The following DDX10 variants were observed in gnomAD, a reference collection of about 807,000 sequenced individuals.
DDX10 encodes the protein DEAD-box helicase 10.
DDX10 carries 74 observed loss-of-function variants against 104.3 expected under a neutral mutation model. That is an observed-to-expected ratio of 0.71 (90% CI 0.59 to 0.86). The LOEUF (loss-of-function observed/expected upper bound fraction) is 0.86. DDX10 is among the 40% of genes least tolerant of loss of function. DDX10 has a pLI of 0.00. For synonymous variants in DDX10, 351 were observed against 353.4 expected (o/e 0.99, Z 0.08); for missense variants, 952 against 1,040.0 (o/e 0.92, Z 1.16).
At chr11:108,873,001 G>A (rs1222543724) in intron 16 of DDX10, among the ~76,000 whole-genome samples, 1 of 152,068 alleles carries the variant, frequency 6.6e-6, no homozygotes, top group African/African-American at 2.4e-5. Context: ...CTCAGGAGGA[G>A]GCCTGGAATA....
intron 13 of DDX10, among the ~76,000 whole-genome samples, chr11:108,811,058 C>A (rs994349885): frequency 6.6e-6 from 1 of 151,996 alleles, no homozygotes; most frequent in Non-Finnish European, 1.5e-5. Context: ...CTTAGTGATC[C>A]CTGTAGGAGA....
At chr11:108,817,427 CCTT>C (rs956865063) in intron 13 of DDX10, among the ~76,000 whole-genome samples, 2 of 152,206 alleles carry the variant, frequency 1.3e-5, no homozygotes, top group Admixed American at 6.5e-5. Flanking sequence ...ATGAGTTCCT[CCTT>C]CTTTTCTTTT....
chr11:108,934,428 A>C (rs1864011687), intron 17 of DDX10, among the ~76,000 whole-genome samples: 1 of 152,202 alleles, frequency 6.6e-6, no homozygotes, highest in Admixed American at 6.5e-5. Flanking sequence ...AAAAAACCCT[A>C]GGCTAAAATG....
intron 13 of DDX10, among the ~76,000 whole-genome samples, chr11:108,755,589 C>T (rs990649076): frequency 6.6e-6 from 1 of 151,932 alleles, no homozygotes; most frequent in Non-Finnish European, 1.5e-5. Context: ...AATTGTGTAC[C>T]TCTGAGGCTT....
intron 5 of DDX10, 134 bp downstream of exon 5, chr11:108,678,569 C>G (rs890190319): frequency 1.0e-6 from 1 of 992,252 alleles, no homozygotes. Context: ...ATTACTGAAA[C>G]ATTTTGGCAT....
intron 13 of DDX10, among the ~76,000 whole-genome samples, chr11:108,785,004 T>C (rs1474199246): frequency 6.6e-6 from 1 of 152,170 alleles, no homozygotes; most frequent in Admixed American, 6.6e-5. Flanking sequence ...TGGTTGTAGG[T>C]GTGTGGGTTT....
chr11:108,837,828 G>A (rs1259836424), intron 13 of DDX10, among the ~76,000 whole-genome samples: 1 of 151,632 alleles, frequency 6.6e-6, no homozygotes, highest in African/African-American at 2.4e-5. Flanking sequence ...TCACCATGTT[G>A]GCCAGGCTGG....
intron 17 of DDX10, 83 bp from the exon 18 acceptor site, chr11:108,940,163 C>T: frequency 1.4e-6 from 2 of 1,382,904 alleles, no homozygotes; most frequent in Non-Finnish European, 9.8e-7. Flanking sequence ...ATCACTTTAC[C>T]AACTCTCTGT....
rs147399174 is a variant in DDX10 at position 108,916,201 on chromosome 11, A to T, written c.2305-1672A>T. On this transcript the variant is annotated intron_variant, in intron 16 of 17. Transcript: ENST00000322536. ...GAGTCTGCTCTGCCTCCACCTTCAG[A>T]TAGTACATTCCTTTAAGGGCATCAG... Among the ~76,000 whole-genome samples the T allele has an allele frequency of 2.8e-3, 421 of 152,246 alleles. 1 individual carries two copies. Among genetic ancestry groups the T allele is most frequent in the African/African-American group, 8.3e-3 (344 of 41,546 alleles).
At chr11:108,694,846 A>C (rs1316641333) in intron 9 of DDX10, among the ~76,000 whole-genome samples, 1 of 152,224 alleles carries the variant, frequency 6.6e-6, no homozygotes, top group Non-Finnish European at 1.5e-5. Flanking sequence ...GCACCACTGC[A>C]TTCCAGCCTG....
intron 13 of DDX10, among the ~76,000 whole-genome samples, chr11:108,741,821 A>C (rs1193149197): frequency 6.6e-6 from 1 of 152,128 alleles, no homozygotes; most frequent in Non-Finnish European, 1.5e-5. Flanking sequence ...TTTGGCCAGG[A>C]CTTCAAAGAG....
At chr11:108,731,827 C>G (rs769450664) in intron 13 of DDX10, among the ~76,000 whole-genome samples, 1 of 152,120 alleles carries the variant, frequency 6.6e-6, no homozygotes, top group African/African-American at 2.4e-5. Context: ...ATAGAAAAAT[C>G]AAATCATACA....
In DDX10 at chr11:108,795,463, G is replaced by T. The variant is rs576040067; in HGVS notation, c.1966-42983G>T. On this transcript the variant is annotated intron_variant, in intron 13 of 17. Transcript: ENST00000322536. ...CCCTTTAACTCATCATTTACATTAG[G>T]TATATTTCCTAATGCTATCTCTCCC... Among the ~76,000 whole-genome samples the T allele has an allele frequency of 7.3e-5, 11 of 151,288 alleles. No homozygotes were observed. In the South Asian group the frequency reaches 2.3e-3, roughly 32 times the overall value.
At chr11:108,781,308 T>A (rs563686170) in intron 13 of DDX10, among the ~76,000 whole-genome samples, 127 of 152,324 alleles carry the variant, frequency 8.3e-4, no homozygotes, top group African/African-American at 2.8e-3. Context: ...CAGTACACCA[T>A]TGATGGGGAC....
intron 13 of DDX10, among the ~76,000 whole-genome samples, chr11:108,814,810 C>G (rs1276419148): frequency 6.6e-6 from 1 of 152,136 alleles, no homozygotes; most frequent in Non-Finnish European, 1.5e-5. Flanking sequence ...TAATATTTAT[C>G]TGAATATCCA....
At chr11:108,821,310 G>T (rs1230273602) in intron 13 of DDX10, among the ~76,000 whole-genome samples, 1 of 152,190 alleles carries the variant, frequency 6.6e-6, no homozygotes, top group Non-Finnish European at 1.5e-5. Flanking sequence ...GTCTCTCTGG[G>T]ATAGTAGGAA....
chr11:108,780,347 A>T (rs558351783), intron 13 of DDX10, among the ~76,000 whole-genome samples: 62 of 152,148 alleles, frequency 4.1e-4, no homozygotes, highest in Non-Finnish European at 7.5e-4. Flanking sequence ...AAAGATATAT[A>T]ATTATTCTTT....
intron 13 of DDX10, among the ~76,000 whole-genome samples, chr11:108,751,817 A>G (rs1159859424): frequency 6.6e-6 from 1 of 152,226 alleles, no homozygotes; most frequent in African/African-American, 2.4e-5. Context: ...AGTCGACTGT[A>G]TAACTGTCTT....
chr11:108,934,013 C>G (rs1011912373), intron 17 of DDX10, among the ~76,000 whole-genome samples: 2 of 152,174 alleles, frequency 1.3e-5, no homozygotes, highest in African/African-American at 4.8e-5. Flanking sequence ...AGCACATAGA[C>G]AGTTGCCATA....
Sources: gnomAD v4.1 joint callset for allele counts (sites outside exome capture counted in the v4.1 genomes callset) on GRCh38, gnomAD v4.1.1 for gene constraint, MANE v1.5 for transcripts, NCBI Gene and HGNC (gene_info 2026-07-23, HGNC 2026-07-21) for gene names.